The following GLS2 variants were observed in gnomAD, a reference collection of about 807,000 sequenced individuals.
GLS2 encodes the protein glutaminase liver isoform, mitochondrial.
In GLS2, 52 loss-of-function variants were observed where a neutral mutation model predicts 79.0. The ratio of observed to expected loss-of-function variants is 0.66; its 90% confidence interval spans 0.53 to 0.83. The LOEUF is 0.83. Among genes scored for constraint, GLS2 ranks in the 40% least tolerant of loss-of-function variants. The probability of loss-of-function intolerance (pLI) is 0.00; values close to 1 mark genes in which losing one functional copy is unlikely to be tolerated. For synonymous variants in GLS2, 238 were observed against 280.8 expected, an observed-to-expected ratio of 0.85 and a Z score of 1.52; for missense variants, 561 against 764.8, an observed-to-expected ratio of 0.73 and a Z score of 3.14.
intron 14 of GLS2, 31 bp from the exon 15 acceptor site, chr12:56,472,782 A>C: frequency 3.1e-6 from 5 of 1,604,114 alleles, no homozygotes; most frequent in Non-Finnish European, 4.3e-6. Context: ...ACATGACATT[A>C]ATTGAACTCA....
In GLS2 at chr12:56,471,303, G is replaced by C; in HGVS notation, c.*184C>G. 1.6e-6 allele frequency: 1 copy of C among 628,642 alleles called. No homozygotes were observed. The allele number at this position is 628,642 out of a possible 1,614,324, so 38.9% of individuals were successfully genotyped here. On this transcript the variant is annotated 3_prime_UTR_variant, in exon 18 of 18. Transcript: ENST00000311966. Reference sequence around the variant, plus strand: ...CAGGTGTCCTCTGAGGCCCTTCTCTGTACTCTGTCTGCTGAGGGAATGGGG... The same window carrying C: ...CAGGTGTCCTCTGAGGCCCTTCTCTCTACTCTGTCTGCTGAGGGAATGGGG...
chr12:56,485,345 C>T (rs1383991126), intron 1 of GLS2, among the ~76,000 whole-genome samples: 1 of 152,132 alleles, frequency 6.6e-6, no homozygotes, highest in Non-Finnish European at 1.5e-5. Flanking sequence ...CAGCCTCGAC[C>T]TACAGGGCTC....
At chr12:56,474,806 G>T (rs372835857) in intron 11 of GLS2, 40 bp downstream of exon 11, 1 of 1,613,180 alleles carries the variant, frequency 6.2e-7, no homozygotes, top group Non-Finnish European at 8.5e-7. Flanking sequence ...GGCAAGGACA[G>T]TCTGTCCTGT....
chr12:56,474,273 G>C (rs1869588106), intron 12 of GLS2: 2 of 421,310 alleles, frequency 4.7e-6, no homozygotes, highest in African/African-American at 4.1e-5. Context: ...GTATTTAGTA[G>C]AGATGGGGTT....
intron 1 of GLS2, 193 bp from the exon 2 acceptor site, chr12:56,480,580 C>T (rs1185075294): frequency 3.5e-6 from 2 of 566,940 alleles, no homozygotes; most frequent in African/African-American, 1.9e-5. Context: ...CTAGCTTTTA[C>T]TCCTGACCTT....
At chr12:56,471,966 C>G in intron 16 of GLS2, 130 bp from the exon 17 acceptor site, 1 of 1,275,114 alleles carries the variant, frequency 7.8e-7, no homozygotes, top group South Asian at 1.2e-5. Context: ...CCCTGCAGCA[C>G]TCAGTCATAG....
intron 12 of GLS2, chr12:56,473,853 C>T (rs1002486141): frequency 3.8e-5 from 15 of 397,654 alleles, no homozygotes; most frequent in Admixed American, 8.2e-5. Context: ...AACTTCCATT[C>T]TGGTGTTAGG....
rs770689194 is a variant in GLS2 at position 56,474,684 on chromosome 12, C to T, written c.1084G>A (p.Val362Ile). Reference protein sequence around the residue: ...SVEVTCESGSVMAATLANGGI... With the variant: ...SVEVTCESGSIMAATLANGGI... ...CCGTTGGCGAGGGTGGCTGCCATGA[C>T]ACTGCCTGATTCACAAGTGACCTCC... is the stretch of plus-strand genomic sequence containing the variant. Residue 362 changes from valine (V) to isoleucine (I), a missense_variant, in exon 12 of 18, where the codon GTC (valine) becomes ATC (isoleucine). Val to Ile is a conservative substitution (Grantham distance 29). Around this residue, in one of 4 missense-constraint regions of GLS2, gnomAD observed 221 missense variants for 275.6 expected, o/e 0.80. Coordinates refer to ENST00000311966, the MANE Select transcript of GLS2 (RefSeq NM_013267.4). The T allele has an allele frequency of 2.5e-6, 4 of 1,612,568 alleles. No individual in the cohort carries two copies. The Admixed American group carries it at 6.7e-5, about 27-fold the overall frequency.
rs773926787 is a variant in GLS2, at chr12:56,487,963, G to A, written c.156C>T (p.His52=). The change falls in exon 1 of 18, where the codon CAC becomes CAT. Residue 52 remains histidine (H), a synonymous_variant. Coordinates refer to ENST00000311966, the MANE Select transcript of GLS2 (RefSeq NM_013267.4). ...GATCCTGGTGCTGCGGCTGGTGGCT[G>A]TGTGGCGTCTCTCTGCCCTGCGCCG... The part of the protein sequence containing the change: ...EAAAQGRETP[H]SHQPQHQDHD... 47 of 1,603,066 alleles carry A rather than the reference G, an allele frequency of 2.9e-5. No individual in the cohort carries two copies. The highest frequency in any genetic ancestry group is 1.7e-4 in the Middle Eastern group (1 of 5,816).
chr12:56,484,058 T>C (rs1050068112), intron 1 of GLS2, among the ~76,000 whole-genome samples: 1 of 152,032 alleles, frequency 6.6e-6, no homozygotes, highest in African/African-American at 2.4e-5. Flanking sequence ...GATCATGAGG[T>C]AAGGAGTTCG....
chr12:56,487,171 G>A (rs1296371648), intron 1 of GLS2, among the ~76,000 whole-genome samples: 2 of 152,164 alleles, frequency 1.3e-5, no homozygotes, highest in Non-Finnish European at 2.9e-5. Context: ...GCACCGTCTG[G>A]GTCTCAGAGA....
intron 4 of GLS2, 86 bp from the exon 5 acceptor site, chr12:56,478,348 T>C: frequency 2.8e-6 from 4 of 1,412,280 alleles, no homozygotes; most frequent in Non-Finnish European, 4.0e-6. Flanking sequence ...ATCTTTTAGA[T>C]AAAAGCTAAA....
At chr12:56,474,022 C>A in intron 12 of GLS2, 1 of 178,216 alleles carries the variant, frequency 5.6e-6, no homozygotes, top group Admixed American at 5.4e-5. Flanking sequence ...AAGCTGAGAC[C>A]CCAAGGAGAA....
rs1869225677 is a variant in GLS2 at position 56,471,152 on chromosome 12, ATC to A, written c.*333_*334del. ...GTAGCTAGAGTCCCTCCACCAGAGTATCTCTCTCATGATGGTTTCTTCAGGGA... is the reference window on the plus strand; with the variant it reads ...GTAGCTAGAGTCCCTCCACCAGAGTATCTCTCATGATGGTTTCTTCAGGGA... On this transcript the variant is annotated 3_prime_UTR_variant, in exon 18 of 18. Transcript: ENST00000311966. 4.8e-6 allele frequency: 2 copies of A among 420,360 alleles called. No homozygotes were observed. The highest frequency in any genetic ancestry group is 8.4e-6 in the Non-Finnish European group (2 of 239,488). The allele number at this position is 420,360 out of a possible 1,614,324, so 26.0% of individuals were successfully genotyped here.
chr12:56,483,793 T>C (rs1012543043), intron 1 of GLS2, among the ~76,000 whole-genome samples: 9 of 152,164 alleles, frequency 5.9e-5, no homozygotes, highest in African/African-American at 2.2e-4. Flanking sequence ...AATAGGTTTT[T>C]GGGGAACAGG....
At chr12:56,483,507 C>T (rs1046520619) in intron 1 of GLS2, among the ~76,000 whole-genome samples, 2 of 152,044 alleles carry the variant, frequency 1.3e-5, no homozygotes. Context: ...GGGGTGTGCT[C>T]TAAGAATTGA....
chr12:56,477,639 G>A, intron 7 of GLS2, 21 bp downstream of exon 7: 1 of 1,608,912 alleles, frequency 6.2e-7, no homozygotes, highest in Non-Finnish European at 8.5e-7. Context: ...ATACCTATCA[G>A]AAGGTTAAGG....
At chr12:56,475,726 G>A (rs773522856) in intron 8 of GLS2, 44 bp from the exon 9 acceptor site, 2 of 1,602,082 alleles carry the variant, frequency 1.2e-6, no homozygotes, top group Admixed American at 3.3e-5. Context: ...TGGTTAAGAA[G>A]CTCTATTAAT....
chr12:56,487,878 C>T, intron 1 of GLS2, 59 bp downstream of exon 1: 3 of 1,545,196 alleles, frequency 1.9e-6, no homozygotes, highest in Admixed American at 2.0e-5. Flanking sequence ...CGGGAACTAG[C>T]GAGAACCACA....
Sources: gnomAD v4.1 joint callset for allele counts (sites outside exome capture counted in the v4.1 genomes callset) on GRCh38, gnomAD v4.1.1 for gene constraint, gnomAD v4.1.1 regional missense constraint, MANE v1.5 for transcripts, NCBI Gene and HGNC (gene_info 2026-07-23, HGNC 2026-07-21) for gene names.